KLHL4: variants seen among roughly 807,000 people sequenced by gnomAD.
KLHL4 encodes kelch-like protein 4.
KLHL4 carries 17 observed loss-of-function variants against 45.8 expected under a neutral mutation model. The observed-to-expected ratio is 0.37, with a 90% CI of 0.25 to 0.56. The LOEUF is 0.56. Ranked by LOEUF, KLHL4 falls within the 20% of genes least tolerant of loss-of-function variation. KLHL4 has a pLI of 0.79. For missense variants in KLHL4, 544 were observed against 544.9 expected, an observed-to-expected ratio of 1.00 and a Z score of 0.02; for synonymous variants, 224 against 189.9, an observed-to-expected ratio of 1.18 and a Z score of -1.47.
intron 7 of KLHL4, 103 bp from the exon 8 acceptor site, chrX:87,633,645 TA>T: frequency 1.6e-6 from 1 of 641,553 alleles, no homozygotes; most frequent in Non-Finnish European, 2.3e-6. Context: ...AATCGTTTAA[TA>T]AGCAAAACAA....
chrX:87,649,888 A>G (rs1423872068), intron 9 of KLHL4, among the ~76,000 whole-genome samples: 1 of 111,203 alleles, frequency 9.0e-6, no homozygotes, highest in African/African-American at 3.3e-5. Context: ...TCTTTATGCC[A>G]GTACCTCACT....
At chrX:87,543,608 A>G (rs977605641) in intron 1 of KLHL4, among the ~76,000 whole-genome samples, 1 of 111,174 alleles carries the variant, frequency 9.0e-6, no homozygotes, top group Non-Finnish European at 1.9e-5. Context: ...TTGTTAGAGT[A>G]CAAAGGAAAC....
chrX:87,643,688 C>G (rs1041661573), intron 9 of KLHL4, among the ~76,000 whole-genome samples: 1 of 111,491 alleles, frequency 9.0e-6, no homozygotes, highest in Non-Finnish European at 1.9e-5. Context: ...AACAGCATGT[C>G]AAAAAGATAA....
At chrX:87,532,869 C>A (rs187189938) in intron 1 of KLHL4, among the ~76,000 whole-genome samples, 9 of 111,008 alleles carry the variant, frequency 8.1e-5, no homozygotes, top group Admixed American at 5.8e-4. Flanking sequence ...AAAAAACAAA[C>A]AACCCCATCA....
chrX:87,597,732 T>A (rs1921883980), intron 1 of KLHL4, among the ~76,000 whole-genome samples: 1 of 111,768 alleles, frequency 8.9e-6, no homozygotes, highest in Non-Finnish European at 1.9e-5. Flanking sequence ...ACTTTAAGAC[T>A]GGCTATAGAA....
chrX:87,659,208 C>T (rs1178121083), intron 9 of KLHL4, among the ~76,000 whole-genome samples: 1 of 103,692 alleles, frequency 9.6e-6, no homozygotes, highest in African/African-American at 3.6e-5. Flanking sequence ...CAACCTCCAC[C>T]TCCCGGGTTC....
intron 1 of KLHL4, among the ~76,000 whole-genome samples, chrX:87,523,760 C>T (rs1330269543): frequency 1.8e-5 from 2 of 110,622 alleles, no homozygotes; most frequent in Non-Finnish European, 3.8e-5. Flanking sequence ...GTCAGGAGTT[C>T]GAGACCAGCC....
At chrX:87,611,889 C>T (rs1387478762) in intron 1 of KLHL4, among the ~76,000 whole-genome samples, 1 of 110,510 alleles carries the variant, frequency 9.0e-6, no homozygotes, top group African/African-American at 3.3e-5. Flanking sequence ...TGATCTTGAC[C>T]TTGTATAGGC....
chrX:87,627,866 AT>A (rs770639681), intron 6 of KLHL4, among the ~76,000 whole-genome samples: 12 of 110,913 alleles, frequency 1.1e-4, no homozygotes, highest in Non-Finnish European at 1.7e-4. Flanking sequence ...TATTTTTGGC[AT>A]TTTTTTCGGG....
At chrX:87,563,914 T>C (rs1193694303) in intron 1 of KLHL4, among the ~76,000 whole-genome samples, 4 of 110,880 alleles carry the variant, frequency 3.6e-5, no homozygotes, top group African/African-American at 9.8e-5. Context: ...CTGACTTTCC[T>C]AGACAAACAA....
chrX:87,655,422 C>A (rs1923956641), intron 9 of KLHL4, among the ~76,000 whole-genome samples: 1 of 111,840 alleles, frequency 8.9e-6, no homozygotes, highest in Non-Finnish European at 1.9e-5. Flanking sequence ...GAATTGATTT[C>A]TTCATGATTA....
chrX:87,611,370 A>G (rs900198919), intron 1 of KLHL4, among the ~76,000 whole-genome samples: 13 of 111,027 alleles, frequency 1.2e-4, no homozygotes, highest in African/African-American at 3.9e-4. Context: ...ATACTCTGGG[A>G]CATGATGGAA....
At chrX:87,524,724 TTTAG>T (rs1254942527) in intron 1 of KLHL4, among the ~76,000 whole-genome samples, 1 of 112,172 alleles carries the variant, frequency 8.9e-6, no homozygotes, top group Non-Finnish European at 1.9e-5. Flanking sequence ...AAAAATGGAC[TTTAG>T]TTAATAATAA....
intron 1 of KLHL4, among the ~76,000 whole-genome samples, chrX:87,518,521 G>A (rs1355001983): frequency 1.8e-5 from 2 of 111,506 alleles, no homozygotes; most frequent in Non-Finnish European, 3.8e-5. Context: ...GGAAATTTGG[G>A]GGGTGGGTTA....
intron 1 of KLHL4, among the ~76,000 whole-genome samples, chrX:87,564,042 G>C (rs945545331): frequency 9.0e-6 from 1 of 110,630 alleles, no homozygotes; most frequent in Non-Finnish European, 1.9e-5. Context: ...AACTCCTCCT[G>C]CTAAAAGTTC....
intron 6 of KLHL4, among the ~76,000 whole-genome samples, chrX:87,627,142 G>A (rs752001211): frequency 2.7e-5 from 3 of 111,583 alleles, no homozygotes; most frequent in African/African-American, 6.5e-5. Flanking sequence ...ATCAGCATCC[G>A]GCCCCTGAAG....
chrX:87,610,956 C>T (rs1055182942), intron 1 of KLHL4, among the ~76,000 whole-genome samples: 2 of 110,550 alleles, frequency 1.8e-5, no homozygotes, highest in Non-Finnish European at 3.8e-5. Context: ...CGTCCGCAGT[C>T]CCAGCTACTT....
intron 1 of KLHL4, among the ~76,000 whole-genome samples, chrX:87,575,929 G>T (rs1216722807): frequency 8.9e-6 from 1 of 111,914 alleles, no homozygotes; most frequent in Non-Finnish European, 1.9e-5. Context: ...ATACTGAAAA[G>T]ATAACATCTC....
At chrX:87,635,432 T>A (rs1389917323) in intron 8 of KLHL4, 131 bp from the exon 9 acceptor site, 2 of 456,527 alleles carry the variant, frequency 4.4e-6, no homozygotes, top group African/African-American at 4.9e-5. Flanking sequence ...AGGAGTAGAA[T>A]ATATAGTCAG....
Sources: allele counts gnomAD v4.1 joint callset (sites outside exome capture counted in the v4.1 genomes callset), GRCh38; gene constraint gnomAD v4.1.1; transcripts MANE v1.5; gene names NCBI Gene and HGNC (gene_info 2026-07-23, HGNC 2026-07-21).